The following TEK variants were observed in gnomAD, a reference collection of about 807,000 sequenced individuals.
TEK encodes TEK receptor tyrosine kinase, also known as angiopoietin-1 receptor.
Under a neutral mutation model 131.8 loss-of-function variants are expected in TEK, and 43 were observed. The ratio of observed to expected loss-of-function variants is 0.33; its 90% CI spans 0.26 to 0.42. The LOEUF (loss-of-function observed/expected upper bound fraction) is 0.42. Ranked by LOEUF, TEK falls within the 10% of genes least tolerant of loss-of-function variation. The pLI, the probability that TEK is intolerant of heterozygous loss-of-function variation, is 1.00. For missense variants in TEK, 1,162 were observed against 1,384.4 expected (o/e 0.84, Z 2.55); for synonymous variants, 580 against 491.6 (o/e 1.18, Z -2.38).
intron 16 of TEK, among the ~76,000 whole-genome samples, chr9:27,212,191 G>A (rs945526608): frequency 6.6e-6 from 1 of 152,176 alleles, no homozygotes; most frequent in African/African-American, 2.4e-5. Context: ...GGGTTTTGAG[G>A]AGGAGTAGAA....
At chr9:27,110,729 CAG>C (rs1344434315) in intron 1 of TEK, among the ~76,000 whole-genome samples, 13 of 152,168 alleles carry the variant, frequency 8.5e-5, no homozygotes, top group African/African-American at 2.9e-4. Flanking sequence ...GAGTTGAATA[CAG>C]TTTGTTTTAT....
At chr9:27,122,683 A>AT (rs1821836079) in intron 1 of TEK, among the ~76,000 whole-genome samples, 1 of 152,174 alleles carries the variant, frequency 6.6e-6, no homozygotes, top group African/African-American at 2.4e-5. Context: ...TCGAGAGGTA[A>AT]TACGGGTAGA....
chr9:27,172,007 A>T (rs1823977073), intron 4 of TEK, among the ~76,000 whole-genome samples: 1 of 152,222 alleles, frequency 6.6e-6, no homozygotes, highest in African/African-American at 2.4e-5. Context: ...GTTGATATAT[A>T]GTTGTTTGAG....
In TEK at chr9:27,173,079, A is replaced by T. The variant is rs888054167; in HGVS notation, c.761-143A>T. Reference sequence around the variant, plus strand: ...TTCATTATCAGTAAAATGGGCCATAAGGGTATGTTCATCCTACCATGCCAC... The same window carrying T: ...TTCATTATCAGTAAAATGGGCCATATGGGTATGTTCATCCTACCATGCCAC... On this transcript the variant is annotated intron_variant, in intron 5 of 22. Coordinates refer to ENST00000380036, the MANE Select transcript of TEK (RefSeq NM_000459.5). 1.0e-5 allele frequency: 11 copies of T among 1,056,752 alleles called. No individual in the cohort carries two copies. In the African/African-American group the frequency reaches 1.7e-4, roughly 17 times the overall value. 65.5% of individuals were successfully genotyped at this position (1,056,752 alleles called of 1,614,324 possible). A position where few individuals can be genotyped will look rare whatever the true frequency, so the allele number is the denominator to read the frequency against.
chr9:27,199,861 T>G (rs1825157154), intron 12 of TEK, among the ~76,000 whole-genome samples: 1 of 152,222 alleles, frequency 6.6e-6, no homozygotes, highest in Non-Finnish European at 1.5e-5. Context: ...ACACTTGACA[T>G]TTTGATGCAG....
chr9:27,132,267 T>C (rs1337501762), intron 1 of TEK, among the ~76,000 whole-genome samples: 2 of 151,998 alleles, frequency 1.3e-5, no homozygotes. Flanking sequence ...TTTGTATTTT[T>C]AGTAGAGACG....
chr9:27,138,527 T>C (rs530976714), intron 1 of TEK, among the ~76,000 whole-genome samples: 20 of 152,336 alleles, frequency 1.3e-4, no homozygotes, highest in Non-Finnish European at 1.9e-4. Context: ...GACAGAAAAG[T>C]TCTCCAAGTC....
chr9:27,116,491 G>A (rs554804925), intron 1 of TEK, among the ~76,000 whole-genome samples: 46 of 152,204 alleles, frequency 3.0e-4, no homozygotes, highest in African/African-American at 1.0e-3. Context: ...GCTTCACCAC[G>A]TTGGCCATGT....
At chr9:27,168,144 T>C (rs957779130) in intron 2 of TEK, among the ~76,000 whole-genome samples, 1 of 152,298 alleles carries the variant, frequency 6.6e-6, no homozygotes, top group Non-Finnish European at 1.5e-5. Flanking sequence ...AAAAATAAAA[T>C]CTGAAACACT....
chr9:27,210,429 T>TA (rs1163704295), intron 16 of TEK: 1 of 197,640 alleles, frequency 5.1e-6, no homozygotes, highest in Non-Finnish European at 1.1e-5. Context: ...AAAGTGGTGT[T>TA]ATGACAGGAA....
chr9:27,160,919 T>C (rs1051664881), intron 2 of TEK, among the ~76,000 whole-genome samples: 6 of 152,226 alleles, frequency 3.9e-5, no homozygotes, highest in African/African-American at 1.4e-4. Context: ...TGTGTCATTT[T>C]GGATTTGACT....
intron 2 of TEK, among the ~76,000 whole-genome samples, chr9:27,165,483 C>A (rs944099814): frequency 2.0e-5 from 3 of 152,118 alleles, no homozygotes; most frequent in Admixed American, 6.5e-5. Flanking sequence ...TCCTTTATGG[C>A]TGGCTCATTT....
chr9:27,222,225 G>A (rs1271729269), intron 21 of TEK, among the ~76,000 whole-genome samples: 1 of 152,090 alleles, frequency 6.6e-6, no homozygotes, highest in East Asian at 1.9e-4. Flanking sequence ...AGAAATACGA[G>A]ACTACGTGAA....
At chr9:27,145,414 T>A (rs919129553) in intron 1 of TEK, among the ~76,000 whole-genome samples, 1 of 152,158 alleles carries the variant, frequency 6.6e-6, no homozygotes, top group African/African-American at 2.4e-5. Context: ...TCTAAGGGTG[T>A]CTTAGCTCCA....
chr9:27,172,855 G>A (rs1824009942), intron 5 of TEK, 108 bp downstream of exon 5: 1 of 1,457,780 alleles, frequency 6.9e-7, no homozygotes, highest in Non-Finnish European at 9.5e-7. Context: ...AATGGCCTCT[G>A]TTAGGTCAGA....
Position 27,204,968 on chromosome 9 carries a change from G to C in TEK, c.2267G>C (p.Gly756Ala). ...MLLIAILGSA[G>A]MTCLTVLLAF... ...CTTATAGCCATCCTTGGCTCTGCTG[G>C]AATGACCTGCCTGACTGTGCTGTTG... Residue 756 changes from glycine to alanine, a missense_variant, in exon 14 of 23, where the codon GGA becomes GCA. Gly to Ala is a moderately conservative substitution (Grantham distance 60). Around this residue, in one of 6 missense-constraint regions of TEK, gnomAD observed 477 missense variants for 471.0 expected, o/e 1.01. Transcript: ENST00000380036. 1 of 1,614,048 alleles carries C rather than the reference G, an allele frequency of 6.2e-7. No homozygotes were observed. The highest frequency in any genetic ancestry group is 8.5e-7 in the Non-Finnish European group (1 of 1,179,940).
At chr9:27,184,947 G>C (rs535724717) in intron 8 of TEK, among the ~76,000 whole-genome samples, 2 of 151,916 alleles carry the variant, frequency 1.3e-5, no homozygotes, top group Admixed American at 1.3e-4. Flanking sequence ...GAGGTGGGGG[G>C]ATCACTTAAG....
chr9:27,150,945 G>C (rs964275808), intron 1 of TEK, among the ~76,000 whole-genome samples: 4 of 152,176 alleles, frequency 2.6e-5, no homozygotes, highest in Non-Finnish European at 5.9e-5. Flanking sequence ...AAGCAGGGAT[G>C]GGAAACGGGC....
At chr9:27,214,780 C>G (rs1442827829) in intron 18 of TEK, among the ~76,000 whole-genome samples, 1 of 152,154 alleles carries the variant, frequency 6.6e-6, no homozygotes, top group African/African-American at 2.4e-5. Flanking sequence ...GTCCCTTTGG[C>G]TCTTCGAGGG....
Sources: gnomAD v4.1 joint callset for allele counts (sites outside exome capture counted in the v4.1 genomes callset) on GRCh38, gnomAD v4.1.1 for gene constraint, gnomAD v4.1.1 regional missense constraint, MANE v1.5 for transcripts, NCBI Gene and HGNC (gene_info 2026-07-23, HGNC 2026-07-21) for gene names.